The following PAIP2 variants were observed in gnomAD, a reference collection of about 807,000 sequenced individuals.
PAIP2 encodes the protein poly(A) binding protein interacting protein 2, also known as polyadenylate-binding protein-interacting protein 2.
A neutral mutation model predicts 14.8 loss-of-function variants in PAIP2; 7 were observed. The ratio of observed to expected loss-of-function variants is 0.47; its 90% CI spans 0.27 to 0.89. PAIP2 has a LOEUF of 0.89. Ranked by LOEUF, PAIP2 falls within the 40% of genes least tolerant of loss-of-function variation. The probability of loss-of-function intolerance (pLI) is 0.13; values close to 1 mark genes in which losing one functional copy is unlikely to be tolerated. For missense variants in PAIP2, 122 were observed against 154.7 expected (o/e 0.79, Z 1.12); for synonymous variants, 47 against 45.3 (o/e 1.04, Z -0.15).
chr5:139,362,374 C>T (rs181760395), intron 1 of PAIP2, among the ~76,000 whole-genome samples: 47 of 150,834 alleles, frequency 3.1e-4, no homozygotes, highest in Non-Finnish European at 4.3e-4. Context: ...GCATGTACCA[C>T]CATGCCCAGC....
chr5:139,345,696 C>T (rs1756520847), intron 1 of PAIP2, among the ~76,000 whole-genome samples: 1 of 149,132 alleles, frequency 6.7e-6, no homozygotes, highest in Non-Finnish European at 1.5e-5. Context: ...GGCATGATCT[C>T]ATTTCACTGC....
At chr5:139,344,570 T>C (rs1756479223) in intron 1 of PAIP2, among the ~76,000 whole-genome samples, 1 of 152,228 alleles carries the variant, frequency 6.6e-6, no homozygotes, top group African/African-American at 2.4e-5. Context: ...AACTAAATTT[T>C]AATTAAATAG....
At chr5:139,347,302 TC>T (rs1756581680) in intron 1 of PAIP2, among the ~76,000 whole-genome samples, 1 of 148,314 alleles carries the variant, frequency 6.7e-6, no homozygotes, top group Admixed American at 6.8e-5. Context: ...AAGACACAGT[TC>T]CGCTCTGTCG....
At chr5:139,354,633 G>T (rs1484680677) in intron 1 of PAIP2, among the ~76,000 whole-genome samples, 1 of 151,998 alleles carries the variant, frequency 6.6e-6, no homozygotes, top group Admixed American at 6.6e-5. Context: ...TAATTCCATT[G>T]TATATATTTT....
At chr5:139,361,868 C>T (rs2152053422) in intron 1 of PAIP2, among the ~76,000 whole-genome samples, 1 of 151,358 alleles carries the variant, frequency 6.6e-6, no homozygotes, top group South Asian at 2.1e-4. Context: ...ATTGCTTGAG[C>T]CTGGGAGGCG....
intron 1 of PAIP2, among the ~76,000 whole-genome samples, chr5:139,356,172 G>T (rs944756125): frequency 4.6e-5 from 7 of 151,186 alleles, no homozygotes; most frequent in African/African-American, 1.7e-4. Context: ...AGTCGGCTGG[G>T]CACGGTGGCT....
intron 1 of PAIP2, among the ~76,000 whole-genome samples, chr5:139,359,691 C>T (rs1214293038): frequency 1.3e-5 from 2 of 151,584 alleles, no homozygotes; most frequent in Non-Finnish European, 2.9e-5. Context: ...AATTTTCGGC[C>T]GGACACGGTG....
intron 1 of PAIP2, among the ~76,000 whole-genome samples, chr5:139,343,841 C>T (rs367546382): frequency 6.6e-6 from 1 of 151,828 alleles, no homozygotes; most frequent in Non-Finnish European, 1.5e-5. Flanking sequence ...CCTCCGCCTC[C>T]CTAGTAGCTG....
chr5:139,365,497 AG>A (rs1158713500), intron 3 of PAIP2, among the ~76,000 whole-genome samples: 1 of 151,788 alleles, frequency 6.6e-6, no homozygotes, highest in Non-Finnish European at 1.5e-5. Flanking sequence ...CTCAAAAAAA[AG>A]AAAAAAAAAA....
chr5:139,357,094 G>C (rs1028463179), intron 1 of PAIP2, among the ~76,000 whole-genome samples: 1 of 152,012 alleles, frequency 6.6e-6, no homozygotes, highest in Non-Finnish European at 1.5e-5. Flanking sequence ...TGATTTGACA[G>C]ATTTTTTTTA....
chr5:139,348,232 A>C (rs2152045597), intron 1 of PAIP2, among the ~76,000 whole-genome samples: 1 of 151,542 alleles, frequency 6.6e-6, no homozygotes, highest in South Asian at 2.1e-4. Flanking sequence ...TGTGTCACCC[A>C]GGCTGGGGTG....
intron 1 of PAIP2, among the ~76,000 whole-genome samples, chr5:139,344,615 C>T (rs1397726257): frequency 1.3e-5 from 2 of 152,084 alleles, no homozygotes; most frequent in African/African-American, 4.8e-5. Flanking sequence ...ATTGGATGGG[C>T]ACACGTTTGG....
At chr5:139,360,154 A>G (rs1442790416) in intron 1 of PAIP2, among the ~76,000 whole-genome samples, 2 of 151,172 alleles carry the variant, frequency 1.3e-5, no homozygotes, top group African/African-American at 4.9e-5. Context: ...TTTAGTAGAG[A>G]CGGGATTTCA....
intron 1 of PAIP2, among the ~76,000 whole-genome samples, chr5:139,352,162 A>G (rs1403505173): frequency 6.7e-6 from 1 of 149,456 alleles, no homozygotes; most frequent in Non-Finnish European, 1.5e-5. Flanking sequence ...ACAGTATTCC[A>G]AAATCTGAAA....
At chr5:139,358,123 A>G (rs1298946647) in intron 1 of PAIP2, among the ~76,000 whole-genome samples, 2 of 152,176 alleles carry the variant, frequency 1.3e-5, no homozygotes, top group Non-Finnish European at 2.9e-5. Context: ...TCAGACTCCC[A>G]AAGTGCTGGG....
At chr5:139,354,894 C>T (rs1756861550) in intron 1 of PAIP2, among the ~76,000 whole-genome samples, 1 of 150,094 alleles carries the variant, frequency 6.7e-6, no homozygotes, top group Non-Finnish European at 1.5e-5. Context: ...GGTCTCAGCT[C>T]ACTACAGCCT....
intron 3 of PAIP2, chr5:139,365,143 A>T (rs1561964674): frequency 7.2e-5 from 1 of 13,880 alleles, no homozygotes; most frequent in East Asian, 4.5e-4. Context: ...AAACTCTATT[A>T]AATAAATAAA....
chr5:139,349,265 C>T (rs1756652927), intron 1 of PAIP2, among the ~76,000 whole-genome samples: 1 of 151,992 alleles, frequency 6.6e-6, no homozygotes, highest in African/African-American at 2.4e-5. Flanking sequence ...TTGTTTTTCT[C>T]TGAGACGGAG....
chr5:139,365,481 C>T (rs937143595), intron 3 of PAIP2, among the ~76,000 whole-genome samples: 7 of 151,348 alleles, frequency 4.6e-5, no homozygotes, highest in African/African-American at 1.7e-4. Flanking sequence ...CAGAGTGAGA[C>T]TCTGACTCAA....
Sources: allele counts gnomAD v4.1 joint callset (sites outside exome capture counted in the v4.1 genomes callset), GRCh38; gene constraint gnomAD v4.1.1; transcripts MANE v1.5; gene names NCBI Gene and HGNC (gene_info 2026-07-23, HGNC 2026-07-21).